C5orf58: variants seen among roughly 807,000 people sequenced by gnomAD.
The protein encoded by C5orf58 is putative uncharacterized protein C5orf58.
In C5orf58, 2 loss-of-function variants were observed where a neutral mutation model predicts 2.9. That is an observed-to-expected ratio of 0.69 (90% confidence interval 0.28 to 2.18). The LOEUF is 2.18. C5orf58 is among the 30% of genes most tolerant of loss of function. The probability of loss-of-function intolerance (pLI) is 0.13; values close to 1 mark genes in which losing one functional copy is unlikely to be tolerated. For missense variants in C5orf58, 96 were observed against 91.7 expected, an observed-to-expected ratio of 1.05 and a Z score of -0.19; for synonymous variants, 37 against 33.4, an observed-to-expected ratio of 1.11 and a Z score of -0.37.
intron 2 of C5orf58, chr5:170,251,569 C>T (rs1043398883): frequency 2.2e-6 from 1 of 452,336 alleles, no homozygotes; most frequent in Non-Finnish European, 4.5e-6. Context: ...CTACTCCCTT[C>T]TCCTCATACC....
At chr5:170,240,888 C>A (rs1239912769) in intron 3 of C5orf58, among the ~76,000 whole-genome samples, 1 of 151,920 alleles carries the variant, frequency 6.6e-6, no homozygotes, top group East Asian at 1.9e-4. Context: ...AGGTTTTCTT[C>A]TAGGGTTTTT....
intron 3 of C5orf58, among the ~76,000 whole-genome samples, chr5:170,243,059 T>C (rs1761092146): frequency 6.7e-6 from 1 of 149,614 alleles, no homozygotes; most frequent in East Asian, 2.0e-4. Flanking sequence ...CAGGAGCAGG[T>C]TGTTCAGTTT....
At chr5:170,240,552 T>C (rs1360473892) in intron 3 of C5orf58, among the ~76,000 whole-genome samples, 2 of 152,034 alleles carry the variant, frequency 1.3e-5, no homozygotes, top group Non-Finnish European at 2.9e-5. Context: ...TTTCATGTGT[T>C]TTTGGCTGCA....
intron 3 of C5orf58, among the ~76,000 whole-genome samples, chr5:170,245,617 CG>C (rs1259621027): frequency 6.6e-6 from 1 of 152,218 alleles, no homozygotes; most frequent in East Asian, 1.9e-4. Context: ...GGCAATGCCT[CG>C]CCCTGCTTCG....
At position 170,246,092 on chromosome 5, in the gene C5orf58, T is replaced by G. The variant is rs1362483447; in HGVS notation, c.225T>G (p.Val75=). The G allele has an allele frequency of 1.9e-6, 3 of 1,610,440 alleles. No individual in the cohort carries two copies. In the Admixed American group the frequency reaches 5.1e-5, roughly 27 times the overall value. Residue 75 remains valine, a synonymous_variant, in exon 4 of 4, where the codon GTT becomes GTG. Coordinates refer to ENST00000593851, the MANE Select transcript of C5orf58 (RefSeq NM_001102609.3). ...EESKISDVSL[V]SNSFSI ...CTAAAATATCAGATGTATCCCTTGT[T>G]TCTAACAGTTTTTCTATCTGATTTC... is the stretch of plus-strand genomic sequence containing the variant.
Position 170,234,158 on chromosome 5 carries a change from T to C in C5orf58, c.-41T>C. The C allele has an allele frequency of 1.5e-6, 2 of 1,367,688 alleles. No individual in the cohort carries two copies. Among genetic ancestry groups the C allele is most frequent in the Non-Finnish European group, 2.0e-6 (2 of 1,021,818 alleles). The allele number at this position is 1,367,688 out of a possible 1,614,324, so 84.7% of individuals were successfully genotyped here. ...GAAATGAGAGAAATTGCAGAAATTC[T>C]CCCTGCTCAGGAAAAGGTAGAGGCA... is the stretch of plus-strand genomic sequence containing the variant. On this transcript the variant is annotated 5_prime_UTR_variant, in exon 2 of 4. Transcript: ENST00000593851.
At chr5:170,251,136 G>A (rs1015349513), downstream of C5orf58, 34 of 397,822 alleles carry the variant, frequency 8.5e-5, no homozygotes, top group South Asian at 6.3e-4. Flanking sequence ...AGTCAATCTC[G>A]TTAAAGCCTC....
chr5:170,234,234 G>A (rs754076938), intron 2 of C5orf58, 36 bp downstream of exon 2: 7 of 1,255,452 alleles, frequency 5.6e-6, no homozygotes, highest in Non-Finnish European at 6.5e-6. Flanking sequence ...CAAGCAGCTT[G>A]ACCCATGACT....
chr5:170,235,419 T>C (rs1233727327), intron 3 of C5orf58, among the ~76,000 whole-genome samples: 1 of 152,214 alleles, frequency 6.6e-6, no homozygotes, highest in Non-Finnish European at 1.5e-5. Flanking sequence ...CTAAGGTCCA[T>C]TCCAAATTAA....
At chr5:170,248,813 G>C, downstream of C5orf58, 1 of 1,612,072 alleles carries the variant, frequency 6.2e-7, no homozygotes, top group Non-Finnish European at 8.5e-7. Flanking sequence ...GACACAGACA[G>C]AAAGTCCTGA....
In C5orf58 at chr5:170,246,117, CTTATTTG is replaced by C; in HGVS notation, c.*9_*15del. ...TTCTAACAGTTTTTCTATCTGATTT[CTTATTTG>C]TTATGAGTTTCTGTTTTATTGTTGA... On this transcript the variant is annotated 3_prime_UTR_variant, in exon 4 of 4. Coordinates refer to ENST00000593851, the MANE Select transcript of C5orf58 (RefSeq NM_001102609.3). 6.2e-7 allele frequency: 1 copy of C among 1,605,082 alleles called. No individual in the cohort carries two copies.
chr5:170,248,601 A>T (rs2113141647), downstream of C5orf58: 1 of 1,324,838 alleles, frequency 7.5e-7, no homozygotes, highest in East Asian at 2.4e-5. Context: ...GGAGGGGTTC[A>T]GTTCAGTCCT....
At position 170,246,180 on chromosome 5, in the gene C5orf58, C is replaced by G; in HGVS notation, c.*67C>G. On this transcript the variant is annotated 3_prime_UTR_variant, in exon 4 of 4. Transcript: ENST00000593851. ...CAAATATTTGGGAGAGTTGAGTTTA[C>G]TAATTTGTATATATATAATTTAAAA... 7.8e-7 allele frequency: 1 copy of G among 1,287,304 alleles called. No individual in the cohort carries two copies. The highest frequency in any genetic ancestry group is 1.4e-5 in the South Asian group (1 of 71,784). The allele number at this position is 1,287,304 out of a possible 1,614,324, so 79.7% of individuals were successfully genotyped here. A position where few individuals can be genotyped will look rare whatever the true frequency, so the allele number is the denominator to read the frequency against.
intron 3 of C5orf58, among the ~76,000 whole-genome samples, chr5:170,240,735 C>T (rs1363682649): frequency 2.7e-5 from 4 of 149,398 alleles, no homozygotes; most frequent in African/African-American, 9.8e-5. Flanking sequence ...TGCCTGTTCA[C>T]TCTGATGGTA....
At chr5:170,244,550 C>T (rs1435019161) in intron 3 of C5orf58, among the ~76,000 whole-genome samples, 2 of 152,278 alleles carry the variant, frequency 1.3e-5, no homozygotes, top group East Asian at 1.9e-4. Context: ...TGCTGATACC[C>T]TTTCTTCCAG....
chr5:170,240,593 A>C (rs1487647825), intron 3 of C5orf58, among the ~76,000 whole-genome samples: 1 of 151,932 alleles, frequency 6.6e-6, no homozygotes, highest in East Asian at 1.9e-4. Flanking sequence ...GTGTCTGTTC[A>C]TGTCCTTCGC....
intron 3 of C5orf58, among the ~76,000 whole-genome samples, chr5:170,235,744 C>T (rs1389019504): frequency 6.6e-6 from 1 of 152,166 alleles, no homozygotes; most frequent in Non-Finnish European, 1.5e-5. Context: ...ATGAAAACTA[C>T]ACTGAATATG....
intron 3 of C5orf58, among the ~76,000 whole-genome samples, chr5:170,243,238 A>G: frequency 6.7e-6 from 1 of 148,998 alleles, no homozygotes; most frequent in Non-Finnish European, 1.5e-5. Context: ...GTGGTGCTGA[A>G]AAAAATGTAT....
intron 3 of C5orf58, among the ~76,000 whole-genome samples, chr5:170,245,696 C>T (rs1475922955): frequency 1.3e-5 from 2 of 152,198 alleles, no homozygotes; most frequent in East Asian, 3.8e-4. Context: ...GAGATGAACC[C>T]GGTACCTCAG....
Sources: gnomAD v4.1 joint callset for allele counts (sites outside exome capture counted in the v4.1 genomes callset) on GRCh38, gnomAD v4.1.1 for gene constraint, MANE v1.5 for transcripts, NCBI Gene and HGNC (gene_info 2026-07-23, HGNC 2026-07-21) for gene names.